DOCK1: variants seen among roughly 807,000 people sequenced by gnomAD.
DOCK1 encodes the protein dedicator of cytokinesis protein 1.
A neutral mutation model predicts 262.7 loss-of-function variants in DOCK1; 138 were observed. That is an observed-to-expected ratio of 0.53 (90% CI 0.46 to 0.61). The LOEUF is 0.61. Among genes scored for constraint, DOCK1 ranks in the 20% least tolerant of loss-of-function variants. The pLI is 0.00. For synonymous variants in DOCK1, 866 were observed against 867.4 expected (o/e 1.00, Z 0.03); for missense variants, 1,908 against 2,370.7 (o/e 0.80, Z 4.05).
At chr10:127,297,939 C>A (rs142083557) in intron 29 of DOCK1, among the ~76,000 whole-genome samples, 1 of 152,160 alleles carries the variant, frequency 6.6e-6, no homozygotes, top group African/African-American at 2.4e-5. Flanking sequence ...GAATATTACT[C>A]ATTTCAAGGT....
intron 27 of DOCK1, among the ~76,000 whole-genome samples, chr10:127,149,366 G>A (rs1009140441): frequency 5.3e-5 from 8 of 152,100 alleles, no homozygotes; most frequent in Admixed American, 2.6e-4. Flanking sequence ...TTTTCCCCCC[G>A]CCTTGAAATT....
chr10:127,313,937 G>T (rs74158659), intron 29 of DOCK1, among the ~76,000 whole-genome samples: 2,298 of 152,250 alleles, frequency 0.015, 62 homozygotes, highest in African/African-American at 0.053. Context: ...ATCTCCCTCC[G>T]ATGTGCACAT....
chr10:127,110,416 C>G, intron 25 of DOCK1, 62 bp downstream of exon 25: 1 of 1,439,606 alleles, frequency 6.9e-7, no homozygotes, highest in African/African-American at 1.4e-5. Flanking sequence ...GACATTGACC[C>G]TCTGAATTGC....
At chr10:126,920,327 C>G (rs1034398479) in intron 1 of DOCK1, among the ~76,000 whole-genome samples, 6 of 152,190 alleles carry the variant, frequency 3.9e-5, no homozygotes, top group African/African-American at 1.4e-4. Context: ...TTCCTAGTCC[C>G]CTTGTTGATA....
intron 23 of DOCK1, among the ~76,000 whole-genome samples, chr10:127,062,892 C>T (rs988941347): frequency 4.6e-5 from 7 of 152,156 alleles, no homozygotes; most frequent in African/African-American, 1.4e-4. Flanking sequence ...TGTCCTTCTT[C>T]CCTCTTTTGA....
At chr10:127,008,904 A>T (rs2135269462) in intron 11 of DOCK1, 100 bp downstream of exon 11, 1 of 1,143,508 alleles carries the variant, frequency 8.7e-7, no homozygotes, top group African/African-American at 1.6e-5. Flanking sequence ...ATAACTAAGG[A>T]TTGATTATTT....
At position 127,247,988 on chromosome 10, in the gene DOCK1, A is replaced by G. The variant is rs375939996; in HGVS notation, c.2848-20A>G. The G allele has an allele frequency of 8.7e-6, 14 of 1,610,424 alleles. No individual in the cohort carries two copies. In the Middle Eastern group the frequency reaches 4.9e-4, roughly 57 times the overall value. On this transcript the variant is annotated intron_variant, in intron 27 of 51. Transcript: ENST00000623213. ...GTGTTGCTCTGTCTCATCTAATTCT[A>G]TCTTTTGATTCATTTACAGGGAAAC...
Position 127,439,030 on chromosome 10 carries a change from T to G in DOCK1, c.5064T>G (p.Phe1688Leu), listed in dbSNP as rs2069888935. 2 of 1,550,054 alleles carry G rather than the reference T, an allele frequency of 1.3e-6. No homozygotes were observed. Among genetic ancestry groups the G allele is most frequent in the Non-Finnish European group, 1.7e-6 (2 of 1,146,478 alleles). Residue 1688 changes from phenylalanine to leucine, a missense_variant, in exon 49 of 52, where the codon TTT becomes TTG. Transcript: ENST00000623213. The stretch of plus-strand genomic sequence containing the variant: ...ACGTCATTGACCTTTCCTTTAGGTT[T>G]GCCCTGGAGCCTCTCCTGCCAAAGA... ...STPSRPGSDG[F>L]ALEPLLPKKM... is the part of the protein sequence containing the mutation.
intron 27 of DOCK1, among the ~76,000 whole-genome samples, chr10:127,214,162 A>C (rs1199490498): frequency 6.6e-6 from 1 of 152,074 alleles, no homozygotes; most frequent in East Asian, 1.9e-4. Context: ...TTCACTTTTA[A>C]ATCAAAACAG....
At chr10:127,251,845 T>C (rs1336519572) in intron 28 of DOCK1, among the ~76,000 whole-genome samples, 1 of 146,900 alleles carries the variant, frequency 6.8e-6, no homozygotes, top group Non-Finnish European at 1.5e-5. Context: ...TAAACATACG[T>C]GTGCATGTGT....
At chr10:127,349,715 G>C (rs568388926) in intron 31 of DOCK1, among the ~76,000 whole-genome samples, 47 of 152,132 alleles carry the variant, frequency 3.1e-4, no homozygotes, top group Non-Finnish European at 6.0e-4. Context: ...GTTCCTTCTG[G>C]AGGTTCTGAG....
At position 127,415,171 on chromosome 10, in the gene DOCK1, C is replaced by T; in HGVS notation, c.4448C>T (p.Thr1483Ile). 1 of 1,613,744 alleles carries T rather than the reference C, an allele frequency of 6.2e-7. No homozygotes were observed. Among genetic ancestry groups the T allele is most frequent in the Non-Finnish European group, 8.5e-7 (1 of 1,179,804 alleles). ...TTGCAGAATATGTGGATCGAGAGAA[C>T]CATATATACAACTGCATATAAATTA... ...NEFANMWIER[T>I]IYTTAYKLPG... Residue 1483 changes from threonine to isoleucine, a missense_variant, in exon 44 of 52, where the codon ACC (threonine) becomes ATC (isoleucine). Thr to Ile is a moderately conservative substitution (Grantham distance 89). Transcript: ENST00000623213.
chr10:127,175,826 G>C lies in DOCK1; in HGVS notation c.2847+48062G>C, dbSNP rs2055062637. On this transcript the variant is annotated intron_variant, in intron 27 of 51. Transcript: ENST00000623213. This position sits in a 1 kb window ranked among gnomAD's most constrained non-coding sequence, Gnocchi z 6.3. The stretch of plus-strand genomic sequence containing the variant: ...GGCTTTTACAGGGCTCTGTGCAGTT[G>C]ACCCCCAAAGGCTGGTCCACTGTGT... 6.2e-7 allele frequency: 1 copy of C among 1,613,948 alleles called. No individual in the cohort carries two copies. Among genetic ancestry groups the C allele is most frequent in the Non-Finnish European group, 8.5e-7 (1 of 1,180,016 alleles).
rs570321449 is a variant in DOCK1 at position 127,247,785 on chromosome 10, T to C, written c.2848-223T>C. The stretch of plus-strand genomic sequence containing the variant: ...TTTGCTTTTCTTTCTACTTTCAACT[T>C]GATATTCTAAGGACCCCCTACCAAA... On this transcript the variant is annotated intron_variant, in intron 27 of 51. Coordinates refer to ENST00000623213, the MANE Select transcript of DOCK1 (RefSeq NM_001290223.2). Among the ~76,000 whole-genome samples, 7 of 152,242 alleles carry C rather than the reference T, an allele frequency of 4.6e-5. No individual in the cohort carries two copies. The East Asian group carries it at 1.4e-3, about 30-fold the overall frequency.
At chr10:126,965,278 A>G (rs1591470723) in intron 1 of DOCK1, among the ~76,000 whole-genome samples, 1 of 152,174 alleles carries the variant, frequency 6.6e-6, no homozygotes, top group South Asian at 2.1e-4. Context: ...TCGGAGGCGG[A>G]GGGAGGAAGG....
At chr10:127,351,225 G>A (rs959029224) in intron 31 of DOCK1, among the ~76,000 whole-genome samples, 8 of 152,044 alleles carry the variant, frequency 5.3e-5, no homozygotes, top group Non-Finnish European at 8.8e-5. Flanking sequence ...CTAAGCGTAG[G>A]TTCTCCTGCT....
chr10:127,451,405 T>A lies in DOCK1; in HGVS notation c.5639T>A (p.Val1880Glu). Residue 1880 changes from valine to glutamate, a missense_variant, in exon 52 of 52, where the codon GTG (valine) becomes GAG (glutamate). By Grantham distance (121) the Val-to-Glu change is moderately radical (BLOSUM62 -2). Transcript: ENST00000623213. ...PPKTTRKQAS[V>E]DSGIVQ ...AAGACAACTCGCAAGCAGGCATCGG[T>A]GGACTCCGGGATCGTGCAGTGACGT... 1 of 1,589,358 alleles carries A rather than the reference T, an allele frequency of 6.3e-7. No individual in the cohort carries two copies. The highest frequency in any genetic ancestry group is 8.6e-7 in the Non-Finnish European group (1 of 1,168,162).
chr10:127,399,958 G>T (rs989176972), intron 38 of DOCK1, among the ~76,000 whole-genome samples: 2 of 152,274 alleles, frequency 1.3e-5, no homozygotes, highest in Non-Finnish European at 2.9e-5. Flanking sequence ...GGAATGGGAG[G>T]CAACTTTAAA....
chr10:127,251,751 T>G (rs557829563), intron 28 of DOCK1, among the ~76,000 whole-genome samples: 3,319 of 149,844 alleles, frequency 0.022, 98 homozygotes, highest in African/African-American at 0.077. Context: ...ATGGTGTATA[T>G]GTGCCACATT....
Sources: gnomAD v4.1 joint callset for allele counts (sites outside exome capture counted in the v4.1 genomes callset) on GRCh38, gnomAD v4.1.1 for gene constraint, Gnocchi (gnomAD v3.1) non-coding constraint, MANE v1.5 for transcripts, NCBI Gene and HGNC (gene_info 2026-07-23, HGNC 2026-07-21) for gene names.